The following RALYL variants were observed in gnomAD, a reference collection of about 807,000 sequenced individuals.
RALYL encodes RNA-binding Raly-like protein.
In RALYL, 29 loss-of-function variants were observed where a neutral mutation model predicts 35.1. The observed-to-expected ratio is 0.83, with a 90% confidence interval of 0.61 to 1.13. The LOEUF (loss-of-function observed/expected upper bound fraction) is 1.13, where lower values mean the gene tolerates loss of function less well. Among genes scored for constraint, RALYL ranks in the 50% most tolerant of loss-of-function variants. The pLI is 0.00. For synonymous variants in RALYL, 120 were observed against 127.6 expected, an observed-to-expected ratio of 0.94 and a Z score of 0.40; for missense variants, 359 against 360.4, an observed-to-expected ratio of 1.00 and a Z score of 0.03.
At position 84,194,871 on chromosome 8, in the gene RALYL, A is replaced by G. The variant is rs78236189; in HGVS notation, c.-24+10447A>G. Among the ~76,000 whole-genome samples the G allele has an allele frequency of 4.0e-4, 61 of 152,282 alleles. No homozygotes were observed. The East Asian group carries it at 0.011, about 28-fold the overall frequency. ...TTGTTAAATGTCTTCTTGCTATTAA[A>G]TGGCTGAGTAAAGATCTGAACCCAG... On this transcript the variant is annotated intron_variant, in intron 1 of 8. Coordinates refer to ENST00000521268, the MANE Select transcript of RALYL (RefSeq NM_173848.7).
intron 1 of RALYL, among the ~76,000 whole-genome samples, chr8:84,354,277 A>G (rs1363083284): frequency 1.3e-5 from 2 of 150,244 alleles, no homozygotes; most frequent in Non-Finnish European, 3.0e-5. Flanking sequence ...TTGTAACCCA[A>G]TTCTGGGATG....
intron 4 of RALYL, among the ~76,000 whole-genome samples, chr8:84,840,802 G>T (rs1012971692): frequency 1.3e-5 from 2 of 152,144 alleles, no homozygotes; most frequent in Admixed American, 6.5e-5. Flanking sequence ...AAGAGAGTGG[G>T]GGCCAATATT....
intron 3 of RALYL, among the ~76,000 whole-genome samples, chr8:84,780,976 A>G (rs1026469433): frequency 6.6e-6 from 1 of 152,084 alleles, no homozygotes; most frequent in African/African-American, 2.4e-5. Flanking sequence ...TTCCCACCTC[A>G]GTCTCCTGAG....
intron 2 of RALYL, among the ~76,000 whole-genome samples, chr8:84,748,815 T>G (rs1809259260): frequency 6.6e-6 from 1 of 152,144 alleles, no homozygotes; most frequent in Non-Finnish European, 1.5e-5. Context: ...CTATTTAACC[T>G]AATGATTATA....
chr8:84,689,045 C>T (rs1300749774), intron 2 of RALYL, among the ~76,000 whole-genome samples: 3 of 151,668 alleles, frequency 2.0e-5, no homozygotes, highest in Admixed American at 6.6e-5. Flanking sequence ...TAGACTGACT[C>T]ATACACATTG....
At chr8:84,309,240 T>C (rs1287454121) in intron 1 of RALYL, among the ~76,000 whole-genome samples, 1 of 151,382 alleles carries the variant, frequency 6.6e-6, no homozygotes, top group Non-Finnish European at 1.5e-5. Context: ...TAATGTTGTA[T>C]AATGCTATAA....
chr8:84,277,349 C>T lies in RALYL; in HGVS notation c.-24+92925C>T, dbSNP rs142879117. Among the ~76,000 whole-genome samples the T allele has an allele frequency of 3.9e-5, 6 of 152,154 alleles. No homozygotes were observed. In the East Asian group the frequency reaches 9.7e-4, roughly 25 times the overall value. ...CATGAGAACAGTATGGGGGAAACTGCCCCCATGATTGAATTATCTCCACCT... is the reference window on the plus strand; with the variant it reads ...CATGAGAACAGTATGGGGGAAACTGTCCCCATGATTGAATTATCTCCACCT... On this transcript the variant is annotated intron_variant, in intron 1 of 8. Transcript: ENST00000521268.
chr8:84,753,903 T>C (rs1193600412), intron 2 of RALYL, among the ~76,000 whole-genome samples: 1 of 152,184 alleles, frequency 6.6e-6, no homozygotes, highest in Non-Finnish European at 1.5e-5. Flanking sequence ...TGATGAGCAT[T>C]TTTTCATGTG....
intron 1 of RALYL, among the ~76,000 whole-genome samples, chr8:84,238,174 T>G (rs1827028658): frequency 6.6e-6 from 1 of 152,094 alleles, no homozygotes; most frequent in Non-Finnish European, 1.5e-5. Context: ...AATGGTCTAT[T>G]ATCAGAGGTG....
intron 1 of RALYL, among the ~76,000 whole-genome samples, chr8:84,243,361 T>A (rs1828383397): frequency 6.6e-6 from 1 of 152,178 alleles, no homozygotes; most frequent in Non-Finnish European, 1.5e-5. Context: ...TCTAATTCTG[T>A]GAAGAATGTC....
At chr8:84,681,874 A>G (rs957383640) in intron 2 of RALYL, among the ~76,000 whole-genome samples, 25 of 152,134 alleles carry the variant, frequency 1.6e-4, no homozygotes, top group Non-Finnish European at 7.3e-5. Context: ...TTCCAACACT[A>G]TGTTGAATCG....
At chr8:84,453,342 G>A (rs2049734041) in intron 1 of RALYL, among the ~76,000 whole-genome samples, 1 of 151,896 alleles carries the variant, frequency 6.6e-6, no homozygotes, top group Admixed American at 6.6e-5. Context: ...CTTCAGACAT[G>A]ATATCTATGA....
intron 1 of RALYL, among the ~76,000 whole-genome samples, chr8:84,185,859 A>G (rs530239423): frequency 2.6e-5 from 4 of 152,302 alleles, no homozygotes; most frequent in African/African-American, 7.2e-5. Flanking sequence ...TCAAGCAAAT[A>G]TTTCACTGTC....
intron 2 of RALYL, among the ~76,000 whole-genome samples, chr8:84,689,488 T>A (rs928457787): frequency 6.6e-6 from 1 of 152,206 alleles, no homozygotes; most frequent in African/African-American, 2.4e-5. Flanking sequence ...TGTTGGACAT[T>A]TGGCTTGGTT....
At chr8:84,334,085 T>C (rs1476928850) in intron 1 of RALYL, among the ~76,000 whole-genome samples, 2 of 152,208 alleles carry the variant, frequency 1.3e-5, no homozygotes, top group Admixed American at 6.5e-5. Context: ...GGTTTAGCCA[T>C]GTTGCCCAGG....
chr8:84,403,230 T>C (rs1317595259), intron 1 of RALYL, among the ~76,000 whole-genome samples: 1 of 152,194 alleles, frequency 6.6e-6, no homozygotes, highest in East Asian at 1.9e-4. Context: ...ATGAAGTCTT[T>C]GCCCATTCCT....
chr8:84,590,551 A>G (rs537077584), intron 2 of RALYL, among the ~76,000 whole-genome samples: 2 of 152,330 alleles, frequency 1.3e-5, no homozygotes, highest in East Asian at 3.9e-4. Flanking sequence ...TGAGAAGGAA[A>G]ATATTGCACA....
chr8:84,481,287 G>T (rs2054011435), intron 1 of RALYL, among the ~76,000 whole-genome samples: 1 of 152,032 alleles, frequency 6.6e-6, no homozygotes, highest in African/African-American at 2.4e-5. Context: ...TAAAATTGAA[G>T]TATTTGTTTT....
chr8:84,251,235 G>A (rs1057503692), intron 1 of RALYL, among the ~76,000 whole-genome samples: 1 of 152,084 alleles, frequency 6.6e-6, no homozygotes. Flanking sequence ...CAGCATCAAG[G>A]TTGTGAAATG....
Sources: gnomAD v4.1 joint callset for allele counts (sites outside exome capture counted in the v4.1 genomes callset) on GRCh38, gnomAD v4.1.1 for gene constraint, MANE v1.5 for transcripts, NCBI Gene and HGNC (gene_info 2026-07-23, HGNC 2026-07-21) for gene names.